The following PRKN variants were observed in gnomAD, a reference collection of about 807,000 sequenced individuals.
PRKN encodes the protein E3 ubiquitin-protein ligase parkin.
Under a neutral mutation model 59.5 loss-of-function variants are expected in PRKN, and 56 were observed. That is an observed-to-expected ratio of 0.94 (90% CI 0.76 to 1.18). PRKN has a LOEUF of 1.18. Among genes scored for constraint, PRKN ranks in the 50% most tolerant of loss-of-function variants. PRKN has a pLI of 0.00. For missense variants in PRKN, 657 were observed against 596.4 expected (o/e 1.10, Z -1.06); for synonymous variants, 250 against 222.1 (o/e 1.13, Z -1.12).
intron 2 of PRKN, among the ~76,000 whole-genome samples, chr6:162,417,865 A>G (rs1183533462): frequency 6.6e-6 from 1 of 152,202 alleles, no homozygotes; most frequent in Non-Finnish European, 1.5e-5. Flanking sequence ...CTTCACCTTC[A>G]TAGTAGACTT....
chr6:162,364,979 CTTTTT>C (rs574680485), intron 2 of PRKN, among the ~76,000 whole-genome samples: 5 of 126,804 alleles, frequency 3.9e-5, no homozygotes, highest in African/African-American at 1.5e-4. Flanking sequence ...CTCTCTCTCT[CTTTTT>C]TTTTTTTTTT....
chr6:161,615,958 G>C (rs543861388), intron 7 of PRKN, among the ~76,000 whole-genome samples: 4 of 152,230 alleles, frequency 2.6e-5, no homozygotes, highest in African/African-American at 9.6e-5. Flanking sequence ...GCTGCTTATG[G>C]CCTCCAATAG....
chr6:162,312,672 A>G (rs149461005), intron 2 of PRKN, among the ~76,000 whole-genome samples: 154 of 152,296 alleles, frequency 1.0e-3, no homozygotes, highest in African/African-American at 3.4e-3. Flanking sequence ...AAGTTCATTT[A>G]CATAAGTGGT....
At chr6:162,005,947 GTA>G (rs529492291) in intron 5 of PRKN, among the ~76,000 whole-genome samples, 11 of 150,074 alleles carry the variant, frequency 7.3e-5, no homozygotes, top group East Asian at 2.0e-4. Flanking sequence ...AAAGGATAGT[GTA>G]TATATATATA....
intron 6 of PRKN, among the ~76,000 whole-genome samples, chr6:161,900,569 T>G: frequency 1.1e-5 from 1 of 90,192 alleles, no homozygotes; most frequent in Non-Finnish European, 2.2e-5. Context: ...ATGTTATATA[T>G]TATGTAATAT....
rs923099408 is a variant in PRKN, at chr6:161,409,057, T to C, written c.1084-22180A>G. On this transcript the variant is annotated intron_variant, in intron 9 of 11. Transcript: ENST00000366898. This position sits in a 1 kb window ranked among gnomAD's most constrained non-coding sequence, Gnocchi z 4.6. The stretch of plus-strand genomic sequence containing the variant: ...GCCTCCTGGGTTCAAGCGATTCTCC[T>C]GCCTCAGCCTCCCAAGTAACTAGGA... 6.6e-6 allele frequency among the ~76,000 whole-genome samples: 1 copy of C among 152,162 alleles called. No individual in the cohort carries two copies.
chr6:162,431,548 ACT>A (rs1395998152), intron 2 of PRKN, among the ~76,000 whole-genome samples: 2 of 151,478 alleles, frequency 1.3e-5, no homozygotes, highest in East Asian at 1.9e-4. Context: ...ACAGAGCAAG[ACT>A]CTGTCTCAAA....
At chr6:161,847,196 T>C (rs1204925537) in intron 6 of PRKN, among the ~76,000 whole-genome samples, 1 of 152,094 alleles carries the variant, frequency 6.6e-6, no homozygotes, top group Non-Finnish European at 1.5e-5. Context: ...TAGTCCCAGC[T>C]ACTTGGGAGG....
chr6:162,154,678 G>A (rs886753363), intron 4 of PRKN, among the ~76,000 whole-genome samples: 2 of 152,128 alleles, frequency 1.3e-5, no homozygotes, highest in Admixed American at 6.6e-5. Context: ...TAAAATAATT[G>A]TTATATGAAA....
At chr6:162,344,213 C>T (rs540955847) in intron 2 of PRKN, among the ~76,000 whole-genome samples, 1 of 152,222 alleles carries the variant, frequency 6.6e-6, no homozygotes, top group South Asian at 2.1e-4. Flanking sequence ...ACAGCATTTT[C>T]TGGAAATGCT....
chr6:162,504,477 T>A (rs61142875), intron 1 of PRKN, among the ~76,000 whole-genome samples: 4 of 151,806 alleles, frequency 2.6e-5, no homozygotes, highest in Admixed American at 1.3e-4. Context: ...AGGGAACAGA[T>A]AATAGATCAA....
chr6:162,128,333 A>T (rs1004971706), intron 4 of PRKN, among the ~76,000 whole-genome samples: 1 of 152,168 alleles, frequency 6.6e-6, no homozygotes, highest in African/African-American at 2.4e-5. Context: ...TGTTTTGCAT[A>T]TATTTGTGTT....
chr6:162,057,126 C>G (rs893022502), intron 4 of PRKN, among the ~76,000 whole-genome samples: 1 of 152,058 alleles, frequency 6.6e-6, no homozygotes, highest in Non-Finnish European at 1.5e-5. Context: ...GCAATGTTCT[C>G]CCAGGCACAT....
At chr6:162,017,740 T>C (rs1399404344) in intron 5 of PRKN, among the ~76,000 whole-genome samples, 1 of 152,234 alleles carries the variant, frequency 6.6e-6, no homozygotes, top group Non-Finnish European at 1.5e-5. Flanking sequence ...CATCATCTTC[T>C]GAAACGTTGC....
chr6:162,003,402 T>C (rs1195636446), intron 5 of PRKN, among the ~76,000 whole-genome samples: 1 of 152,154 alleles, frequency 6.6e-6, no homozygotes, highest in Non-Finnish European at 1.5e-5. Flanking sequence ...CTATTTTTCT[T>C]GCTAGGTTCT....
chr6:162,394,361 A>G (rs1368245911), intron 2 of PRKN, among the ~76,000 whole-genome samples: 1 of 152,144 alleles, frequency 6.6e-6, no homozygotes, highest in African/African-American at 2.4e-5. Context: ...TGATACAGAA[A>G]TATGTATGAC....
At chr6:162,009,946 A>G (rs1320867327) in intron 5 of PRKN, among the ~76,000 whole-genome samples, 1 of 151,468 alleles carries the variant, frequency 6.6e-6, no homozygotes, top group Non-Finnish European at 1.5e-5. Flanking sequence ...AAAAAAAAAT[A>G]AAGTCTTCTG....
In PRKN at chr6:161,385,139, A is replaced by C. The variant is rs1786180329; in HGVS notation, c.1167+1655T>G. On this transcript the variant is annotated intron_variant, in intron 10 of 11. Transcript: ENST00000366898. This position sits in a 1 kb window ranked among gnomAD's most constrained non-coding sequence, Gnocchi z 4.9. ...GAGACGGGGTTTCACCATGTTGGCC[A>C]GGCTGATCTCAATCTCTTGACCTCA... Among the ~76,000 whole-genome samples the C allele has an allele frequency of 6.6e-6, 1 of 152,156 alleles. No individual in the cohort carries two copies. The highest frequency in any genetic ancestry group is 1.5e-5 in the Non-Finnish European group (1 of 68,034).
At chr6:161,600,571 T>G (rs1187466527) in intron 7 of PRKN, among the ~76,000 whole-genome samples, 1 of 152,194 alleles carries the variant, frequency 6.6e-6, no homozygotes, top group Non-Finnish European at 1.5e-5. Flanking sequence ...ATATACTCCG[T>G]ATACAATATA....
Sources: gnomAD v4.1 joint callset for allele counts (sites outside exome capture counted in the v4.1 genomes callset) on GRCh38, gnomAD v4.1.1 for gene constraint, Gnocchi (gnomAD v3.1) non-coding constraint, MANE v1.5 for transcripts, NCBI Gene and HGNC (gene_info 2026-07-23, HGNC 2026-07-21) for gene names.